SPOCK1: variants seen among roughly 807,000 people sequenced by gnomAD.
SPOCK1 encodes SPARC (osteonectin), cwcv and kazal like domains proteoglycan 1, also known as testican-1.
SPOCK1 carries 23 observed loss-of-function variants against 55.3 expected under a neutral mutation model. The ratio of observed to expected loss-of-function variants is 0.42; its 90% confidence interval spans 0.30 to 0.59. The LOEUF (loss-of-function observed/expected upper bound fraction) is 0.59. SPOCK1 is among the 20% of genes least tolerant of loss of function. The pLI is 0.22. For missense variants in SPOCK1, 499 were observed against 552.5 expected, an observed-to-expected ratio of 0.90 and a Z score of 0.97; for synonymous variants, 226 against 221.0, an observed-to-expected ratio of 1.02 and a Z score of -0.20.
At chr5:137,436,627 AAAAG>A (rs1276282905) in intron 2 of SPOCK1, among the ~76,000 whole-genome samples, 4 of 152,314 alleles carry the variant, frequency 2.6e-5, no homozygotes, top group African/African-American at 7.2e-5. Flanking sequence ...ACAATCCAAA[AAAAG>A]AAAGAAAGAA....
At chr5:137,310,450 C>T (rs1036631371) in intron 2 of SPOCK1, among the ~76,000 whole-genome samples, 4 of 152,152 alleles carry the variant, frequency 2.6e-5, no homozygotes, top group Non-Finnish European at 5.9e-5. Context: ...GAAGCCATTC[C>T]CCAGAGGAGA....
intron 2 of SPOCK1, among the ~76,000 whole-genome samples, chr5:137,493,177 C>T (rs529624519): frequency 6.6e-6 from 1 of 152,308 alleles, no homozygotes; most frequent in South Asian, 2.1e-4. Flanking sequence ...TAAAATGAGT[C>T]ATCCTGAATG....
At chr5:137,201,257 G>A (rs1755420616) in intron 3 of SPOCK1, among the ~76,000 whole-genome samples, 1 of 152,130 alleles carries the variant, frequency 6.6e-6, no homozygotes, top group Admixed American at 6.5e-5. Context: ...CTCCATGGAT[G>A]GAATGTTGAT....
At chr5:137,396,331 A>C (rs914609278) in intron 2 of SPOCK1, among the ~76,000 whole-genome samples, 15 of 152,278 alleles carry the variant, frequency 9.9e-5, no homozygotes, top group Admixed American at 2.0e-4. Context: ...AGTATGATAC[A>C]ACTAAGGATT....
At position 137,109,455 on chromosome 5, in the gene SPOCK1, G is replaced by A. The variant is rs368383904; in HGVS notation, c.474+2980C>T. Among the ~76,000 whole-genome samples the A allele has an allele frequency of 7.9e-5, 12 of 152,210 alleles. No homozygotes were observed. In the East Asian group the frequency reaches 1.5e-3, roughly 20 times the overall value. ...AGACTCTTTTTTGGCTCCTCTCTTG[G>A]TAATGATGTTTTCTGAGCAGCCACT... On this transcript the variant is annotated intron_variant, in intron 5 of 10. Transcript: ENST00000394945.
chr5:137,337,536 C>A (rs185803768), intron 2 of SPOCK1, among the ~76,000 whole-genome samples: 1 of 152,300 alleles, frequency 6.6e-6, no homozygotes, highest in East Asian at 1.9e-4. Flanking sequence ...TTCACAACAT[C>A]CTCCACTTCC....
intron 3 of SPOCK1, among the ~76,000 whole-genome samples, chr5:137,178,608 G>C (rs1013878043): frequency 2.6e-5 from 4 of 152,168 alleles, no homozygotes; most frequent in African/African-American, 9.7e-5. Flanking sequence ...CAGAGTCTGC[G>C]GGGGAAGAAG....
chr5:137,211,269 C>T (rs1755609724), intron 3 of SPOCK1, among the ~76,000 whole-genome samples: 1 of 152,144 alleles, frequency 6.6e-6, no homozygotes, highest in African/African-American at 2.4e-5. Context: ...CAGATTTCTA[C>T]CACAGCTACC....
rs553098674 is a variant in SPOCK1, at chr5:137,464,221, G to A, written c.186+34152C>T. ...GGGGGCTGAGGCAAGAGAATCACTT[G>A]AGCCCAGGAGGTTGAGGCTGCAGTG... On this transcript the variant is annotated intron_variant, in intron 2 of 10. Transcript: ENST00000394945. Among the ~76,000 whole-genome samples the A allele has an allele frequency of 8.1e-4, 124 of 152,262 alleles. 1 individual carries two copies. The highest frequency in any genetic ancestry group is 1.5e-3 in the Non-Finnish European group (103 of 68,018).
intron 3 of SPOCK1, among the ~76,000 whole-genome samples, chr5:137,247,810 A>G (rs1380532235): frequency 6.6e-6 from 1 of 152,176 alleles, no homozygotes; most frequent in Admixed American, 6.5e-5. Context: ...CTGGCTTCAT[A>G]ACAACCCGCT....
At position 137,354,006 on chromosome 5, in the gene SPOCK1, A is replaced by G. The variant is rs564642200; in HGVS notation, c.187-86951T>C. ...TTTCCTGATGTCTGCCGAAAGTGGGAAACTCTCACATTTGCCCTTTCCTTT... is the reference window on the plus strand; with the variant it reads ...TTTCCTGATGTCTGCCGAAAGTGGGGAACTCTCACATTTGCCCTTTCCTTT... On this transcript the variant is annotated intron_variant, in intron 2 of 10. Coordinates refer to ENST00000394945, the MANE Select transcript of SPOCK1 (RefSeq NM_004598.4). 1.1e-4 allele frequency among the ~76,000 whole-genome samples: 16 copies of G among 152,176 alleles called. No individual in the cohort carries two copies. In the South Asian group the frequency reaches 3.3e-3, roughly 32 times the overall value.
chr5:137,159,045 T>C (rs969486758), intron 3 of SPOCK1, among the ~76,000 whole-genome samples: 6 of 152,126 alleles, frequency 3.9e-5, no homozygotes, highest in African/African-American at 1.4e-4. Context: ...AGGAATCAGA[T>C]GCTCCCCTTG....
intron 2 of SPOCK1, among the ~76,000 whole-genome samples, chr5:137,432,180 T>C (rs1170898984): frequency 2.6e-5 from 4 of 152,214 alleles, no homozygotes; most frequent in African/African-American, 7.2e-5. Flanking sequence ...GCAGCTGCTA[T>C]GGAAAAACAG....
intron 2 of SPOCK1, among the ~76,000 whole-genome samples, chr5:137,314,329 C>G (rs1757839724): frequency 1.3e-5 from 2 of 152,292 alleles, no homozygotes; most frequent in South Asian, 4.2e-4. Flanking sequence ...GGCCTCCAAA[C>G]TCCAGCCTCA....
chr5:137,055,916 T>C (rs1431324554), intron 6 of SPOCK1, among the ~76,000 whole-genome samples: 1 of 152,152 alleles, frequency 6.6e-6, no homozygotes, highest in Non-Finnish European at 1.5e-5. Flanking sequence ...GGGAAGTACA[T>C]AGACAAGTAC....
At chr5:136,988,776 A>C (rs1025445779) in intron 7 of SPOCK1, 133 bp from the exon 8 acceptor site, 2 of 709,872 alleles carry the variant, frequency 2.8e-6, no homozygotes, top group African/African-American at 3.6e-5. Flanking sequence ...CCTTCCCAGC[A>C]TACAGATTTA....
At chr5:137,192,152 T>G (rs1310445300) in intron 3 of SPOCK1, among the ~76,000 whole-genome samples, 1 of 145,414 alleles carries the variant, frequency 6.9e-6, no homozygotes, top group African/African-American at 2.6e-5. Context: ...GCAGGAGAAT[T>G]GCTTGAACCC....
At chr5:137,035,998 G>C (rs1485888108) in intron 6 of SPOCK1, among the ~76,000 whole-genome samples, 2 of 152,150 alleles carry the variant, frequency 1.3e-5, no homozygotes, top group Non-Finnish European at 2.9e-5. Flanking sequence ...AGTGAGGAGA[G>C]GGAGACTAGC....
At chr5:137,267,986 A>G (rs1453376595) in intron 2 of SPOCK1, among the ~76,000 whole-genome samples, 1 of 152,232 alleles carries the variant, frequency 6.6e-6, no homozygotes, top group Admixed American at 6.5e-5. Context: ...TTTGGCAGGC[A>G]GTCTGCATGC....
Sources: gnomAD v4.1 joint callset for allele counts (sites outside exome capture counted in the v4.1 genomes callset) on GRCh38, gnomAD v4.1.1 for gene constraint, MANE v1.5 for transcripts, NCBI Gene and HGNC (gene_info 2026-07-23, HGNC 2026-07-21) for gene names.